The following BCAS3 variants were observed in gnomAD, a reference collection of about 807,000 sequenced individuals.
The protein encoded by BCAS3 is BCAS4/BCAS3 fusion.
In BCAS3, 53 loss-of-function variants were observed where a neutral mutation model predicts 116.1. The ratio of observed to expected loss-of-function variants is 0.46; its 90% CI spans 0.37 to 0.57. The LOEUF is 0.57. Among genes scored for constraint, BCAS3 ranks in the 20% least tolerant of loss-of-function variants. BCAS3 has a pLI of 0.00. For missense variants in BCAS3, 917 were observed against 1,165.4 expected (o/e 0.79, Z 3.10); for synonymous variants, 391 against 408.2 (o/e 0.96, Z 0.51).
At chr17:61,113,617 G>A (rs1224491984) in intron 22 of BCAS3, among the ~76,000 whole-genome samples, 1 of 8,084 alleles carries the variant, frequency 1.2e-4, no homozygotes, top group African/African-American at 1.3e-4. Context: ...ACAAAAAAGA[G>A]TCCAGGACCA....
intron 10 of BCAS3, among the ~76,000 whole-genome samples, chr17:60,892,505 C>T (rs1599487049): frequency 6.6e-6 from 1 of 152,066 alleles, no homozygotes. Context: ...GATGGGGTTT[C>T]TCCATGTTGA....
intron 6 of BCAS3, among the ~76,000 whole-genome samples, chr17:60,803,429 G>GT (rs34071052): frequency 6.6e-6 from 1 of 152,110 alleles, no homozygotes; most frequent in African/African-American, 2.4e-5. Flanking sequence ...TGGGCGTCAG[G>GT]TTTTTTCCCC....
intron 2 of BCAS3, among the ~76,000 whole-genome samples, chr17:60,680,283 CTT>C (rs909320964): frequency 6.6e-6 from 1 of 152,014 alleles, no homozygotes; most frequent in African/African-American, 2.4e-5. Context: ...AAATGTATCT[CTT>C]TTAACTTTTA....
intron 22 of BCAS3, among the ~76,000 whole-genome samples, chr17:61,280,242 C>T (rs59474994): frequency 0.055 from 8,428 of 152,228 alleles, 275 homozygotes; most frequent in African/African-American, 0.11. Flanking sequence ...AGTACTCTTT[C>T]CATTTTTGAA....
intron 14 of BCAS3, among the ~76,000 whole-genome samples, chr17:60,957,529 GAT>G (rs376013632): frequency 6.6e-6 from 1 of 152,080 alleles, no homozygotes; most frequent in African/African-American, 2.4e-5. Context: ...TTTTTATTGA[GAT>G]ATAATTTACA....
chr17:61,349,707 A>G lies in BCAS3; in HGVS notation c.2426-18620A>G, dbSNP rs948060073. Among the ~76,000 whole-genome samples the G allele has an allele frequency of 2.6e-5, 4 of 152,242 alleles. No homozygotes were observed. Among genetic ancestry groups the G allele is most frequent in the African/African-American group, 7.2e-5 (3 of 41,472 alleles). On this transcript the variant is annotated intron_variant, in intron 22 of 23. Transcript: ENST00000407086. The surrounding 1 kb of genome is among the most constrained non-coding windows in gnomAD (Gnocchi z 4.7). Reference sequence around the variant, plus strand: ...TAGACAAAGAAGACGTTTTTGGGCAATTGCCATGGAAAGAGCTAACTCTAC... The same window carrying G: ...TAGACAAAGAAGACGTTTTTGGGCAGTTGCCATGGAAAGAGCTAACTCTAC...
intron 19 of BCAS3, among the ~76,000 whole-genome samples, chr17:61,064,171 C>G (rs1260327320): frequency 2.0e-5 from 3 of 152,124 alleles, no homozygotes; most frequent in Non-Finnish European, 4.4e-5. Flanking sequence ...TGGTATACAC[C>G]TGTAGTTCCA....
chr17:60,705,207 A>G (rs2036953358), intron 4 of BCAS3, among the ~76,000 whole-genome samples: 1 of 152,066 alleles, frequency 6.6e-6, no homozygotes, highest in Non-Finnish European at 1.5e-5. Flanking sequence ...AGGATTTACG[A>G]TAGATACCAT....
rs2067091547 is a variant in BCAS3, at chr17:61,037,034, T to C, written c.1763-855T>C. On this transcript the variant is annotated intron_variant, in intron 17 of 23. Coordinates refer to ENST00000407086, the MANE Select transcript of BCAS3 (RefSeq NM_017679.5). The surrounding 1 kb of genome is among the most constrained non-coding windows in gnomAD (Gnocchi z 4.7). ...TTATTATCAGTATCCCCAACCAGAG[T>C]GGTACGTGTGTTTGGATTGATGAAC... 6.6e-6 allele frequency among the ~76,000 whole-genome samples: 1 copy of C among 152,056 alleles called. No homozygotes were observed. The highest frequency in any genetic ancestry group is 2.1e-4 in the South Asian group (1 of 4,824).
chr17:61,194,642 AG>A (rs1446938259), intron 22 of BCAS3, among the ~76,000 whole-genome samples: 1 of 150,962 alleles, frequency 6.6e-6, no homozygotes, highest in Non-Finnish European at 1.5e-5. Flanking sequence ...CAGAAGGCTG[AG>A]GCAGGAGAAT....
chr17:60,854,451 C>T (rs1249190116), intron 7 of BCAS3, among the ~76,000 whole-genome samples: 1 of 152,098 alleles, frequency 6.6e-6, no homozygotes, highest in Non-Finnish European at 1.5e-5. Flanking sequence ...ATTTCTAGTT[C>T]TAGATCCTTG....
chr17:61,039,715 C>T (rs554991102), intron 18 of BCAS3, among the ~76,000 whole-genome samples: 76 of 152,070 alleles, frequency 5.0e-4, no homozygotes, highest in Admixed American at 9.2e-4. Context: ...GCCACCGCGC[C>T]GGCCCATGAA....
intron 6 of BCAS3, among the ~76,000 whole-genome samples, chr17:60,749,916 C>G (rs560012770): frequency 9.1e-4 from 139 of 152,184 alleles, no homozygotes; most frequent in African/African-American, 3.2e-3. Context: ...GCCTGTAATC[C>G]CAGCACTTTG....
chr17:60,720,634 A>G (rs1189312816), intron 5 of BCAS3, among the ~76,000 whole-genome samples: 2 of 152,266 alleles, frequency 1.3e-5, no homozygotes, highest in Non-Finnish European at 2.9e-5. Context: ...TCAACAATAA[A>G]AAATAACACA....
In BCAS3 at chr17:61,346,293, C is replaced by G. The variant is rs528642088; in HGVS notation, c.2426-22034C>G. Reference sequence around the variant, plus strand: ...TATTCCTTTGGAGAAGAAGTACTTCCTTTTATTGTCAGGTCATTTTAGCAT... The same window carrying G: ...TATTCCTTTGGAGAAGAAGTACTTCGTTTTATTGTCAGGTCATTTTAGCAT... On this transcript the variant is annotated intron_variant, in intron 22 of 23. Coordinates refer to ENST00000407086, the MANE Select transcript of BCAS3 (RefSeq NM_017679.5). The surrounding 1 kb of genome is among the most constrained non-coding windows in gnomAD (Gnocchi z 5.4). 6.6e-6 allele frequency among the ~76,000 whole-genome samples: 1 copy of G among 152,300 alleles called. No homozygotes were observed. The highest frequency in any genetic ancestry group is 2.4e-5 in the African/African-American group (1 of 41,554).
rs1465776432 is a variant in BCAS3, at chr17:61,098,247, A to G, written c.2425+13683A>G. On this transcript the variant is annotated intron_variant, in intron 22 of 23. Coordinates refer to ENST00000407086, the MANE Select transcript of BCAS3 (RefSeq NM_017679.5). The surrounding 1 kb of genome is among the most constrained non-coding windows in gnomAD (Gnocchi z 4.2). The stretch of plus-strand genomic sequence containing the variant: ...GGTAGCTTGTTGTTACAGAATATTC[A>G]TATATTCAGAACATTGGGACTGAGT... 1.3e-5 allele frequency among the ~76,000 whole-genome samples: 2 copies of G among 152,224 alleles called. No individual in the cohort carries two copies. The highest frequency in any genetic ancestry group is 2.4e-5 in the African/African-American group (1 of 41,462).
chr17:60,988,185 AT>A (rs551131135), intron 14 of BCAS3, among the ~76,000 whole-genome samples: 150 of 125,188 alleles, frequency 1.2e-3, no homozygotes, highest in Admixed American at 1.9e-3. Flanking sequence ...CTTGGTTGTG[AT>A]TTTTTTTTTT....
intron 22 of BCAS3, among the ~76,000 whole-genome samples, chr17:61,284,977 A>G (rs1020261724): frequency 6.6e-6 from 1 of 152,192 alleles, no homozygotes; most frequent in African/African-American, 2.4e-5. Context: ...AAGTGTCATC[A>G]AGGTTCTCTC....
intron 22 of BCAS3, among the ~76,000 whole-genome samples, chr17:61,182,299 G>A (rs1468276069): frequency 6.6e-6 from 1 of 152,144 alleles, no homozygotes; most frequent in Non-Finnish European, 1.5e-5. Flanking sequence ...ATTAACGGTA[G>A]TGGAAGAGTG....
Sources: allele counts gnomAD v4.1 joint callset (sites outside exome capture counted in the v4.1 genomes callset), GRCh38; gene constraint gnomAD v4.1.1; non-coding constraint Gnocchi (gnomAD v3.1); transcripts MANE v1.5; gene names NCBI Gene and HGNC (gene_info 2026-07-23, HGNC 2026-07-21).